Variants in ISY1 observed in about 807,000 individuals in gnomAD.
ISY1 encodes ISY1 spliceosome associated protein.
Under a neutral mutation model 54.4 loss-of-function variants are expected in ISY1, and 12 were observed. The ratio of observed to expected loss-of-function variants is 0.22; its 90% confidence interval spans 0.14 to 0.36. The LOEUF (loss-of-function observed/expected upper bound fraction) is 0.36, where lower values mean the gene tolerates loss of function less well. Ranked by LOEUF, ISY1 falls within the 10% of genes least tolerant of loss-of-function variation. The probability of loss-of-function intolerance (pLI) is 1.00; values close to 1 mark genes in which losing one functional copy is unlikely to be tolerated. For missense variants in ISY1, 282 were observed against 342.2 expected, an observed-to-expected ratio of 0.82 and a Z score of 1.39; for synonymous variants, 96 against 117.9, an observed-to-expected ratio of 0.81 and a Z score of 1.20.
At chr3:129,155,341 C>T (rs1937103922) in intron 5 of ISY1, among the ~76,000 whole-genome samples, 1 of 151,274 alleles carries the variant, frequency 6.6e-6, no homozygotes, top group African/African-American at 2.4e-5. Context: ...ATTACAGGCA[C>T]ATGACACCAC....
chr3:129,130,118 G>A lies in ISY1; in HGVS notation c.821C>T (p.Ala274Val), dbSNP rs751756568. ...GAGCCTTCTGGCTTCTTCACTTTGG[G>A]CCTGCAGGGTCTCGCTTGCATACTT... ...LQKYASETLQAQSEEARRLLG... is the reference protein window; with the variant it reads ...LQKYASETLQVQSEEARRLLG... The change falls in exon 11 of 11, where the codon GCC (alanine) becomes GTC (valine). Residue 274 changes from alanine to valine, a missense_variant. Physicochemically the swap from Ala to Val is moderately conservative, Grantham distance 64 (BLOSUM62 0). Around this residue, in one of 2 missense-constraint regions of ISY1, gnomAD observed 279 missense variants for 323.6 expected, o/e 0.86. Coordinates refer to ENST00000393295, the MANE Select transcript of ISY1 (RefSeq NM_020701.4). 2.5e-6 allele frequency: 4 copies of A among 1,611,636 alleles called. No homozygotes were observed. The East Asian group carries it at 8.9e-5, about 36-fold the overall frequency.
In ISY1 at chr3:129,130,164, T is replaced by C. The variant is rs774305574; in HGVS notation, c.775A>G (p.Lys259Glu). 1 of 1,611,694 alleles carries C rather than the reference T, an allele frequency of 6.2e-7. No individual in the cohort carries two copies. Among genetic ancestry groups the C allele is most frequent in the Admixed American group, 1.7e-5 (1 of 59,282 alleles). ...QEIEEALVRR[K>E]KMELLQKYAS... ...TACTTCTGGAGGAGTTCCATTTTCT[T>C]CCTTCGCACCAGTGCCTCCTCAATC... The change falls in exon 11 of 11, where the codon AAG becomes GAG. Residue 259 changes from lysine to glutamate, a missense_variant. This residue lies in a region of ISY1 where 279 missense variants were observed against 323.6 expected (regional missense o/e 0.86). Coordinates refer to ENST00000393295, the MANE Select transcript of ISY1 (RefSeq NM_020701.4).
At chr3:129,152,019 C>T (rs1187789138) in intron 5 of ISY1, among the ~76,000 whole-genome samples, 2 of 151,918 alleles carry the variant, frequency 1.3e-5, no homozygotes, top group South Asian at 2.1e-4. Flanking sequence ...ATTAGCTAGG[C>T]GTGGTGGCTG....
At chr3:129,130,741 C>A in intron 9 of ISY1, 105 bp from the exon 10 acceptor site, 2 of 1,218,574 alleles carry the variant, frequency 1.6e-6, no homozygotes, top group Non-Finnish European at 2.3e-6. Flanking sequence ...GAAAAAAAAA[C>A]TAAGAAAGTT....
At chr3:129,149,636 T>TATATACAC (rs759382962) in intron 5 of ISY1, among the ~76,000 whole-genome samples, 4 of 54,704 alleles carry the variant, frequency 7.3e-5, no homozygotes, top group East Asian at 6.6e-4. Flanking sequence ...TATATATATA[T>TATATACAC]ACACAAAAAA....
At chr3:129,157,741 G>A (rs1000241991) in intron 3 of ISY1, among the ~76,000 whole-genome samples, 3 of 149,264 alleles carry the variant, frequency 2.0e-5, no homozygotes, top group Non-Finnish European at 4.4e-5. Flanking sequence ...AAAAAAAAGG[G>A]CCGGGCCCAG....
intron 6 of ISY1, chr3:129,143,951 G>C (rs1560018084): frequency 5.9e-6 from 1 of 168,154 alleles, no homozygotes; most frequent in Non-Finnish European, 1.3e-5. Flanking sequence ...TTTATATGTA[G>C]AAAATAAAAA....
chr3:129,158,634 A>G (rs758367354), intron 2 of ISY1, 75 bp from the exon 3 acceptor site: 1 of 1,595,250 alleles, frequency 6.3e-7, no homozygotes, highest in Non-Finnish European at 8.6e-7. Context: ...ATGTTCCTGT[A>G]TGGGGTAGAT....
intron 5 of ISY1, among the ~76,000 whole-genome samples, chr3:129,155,759 T>C (rs1366530888): frequency 6.6e-6 from 1 of 151,984 alleles, no homozygotes; most frequent in Non-Finnish European, 1.5e-5. Context: ...TTCACTCTTG[T>C]TGCTGAAGCT....
intron 6 of ISY1, among the ~76,000 whole-genome samples, chr3:129,142,613 T>C (rs537131524): frequency 1.3e-5 from 2 of 152,232 alleles, no homozygotes; most frequent in African/African-American, 4.8e-5. Context: ...AACATTTTTT[T>C]AAATCATACA....
intron 6 of ISY1, among the ~76,000 whole-genome samples, chr3:129,145,237 T>C (rs1468753967): frequency 6.6e-6 from 1 of 151,622 alleles, no homozygotes; most frequent in Non-Finnish European, 1.5e-5. Flanking sequence ...TTTTTTTTTT[T>C]TTTTGAAGAC....
chr3:129,157,190 T>C (rs1379794070), intron 3 of ISY1, among the ~76,000 whole-genome samples: 1 of 152,202 alleles, frequency 6.6e-6, no homozygotes, highest in Non-Finnish European at 1.5e-5. Flanking sequence ...TCATGGCATA[T>C]TTATAGTACC....
At chr3:129,137,586 G>A (rs975488743) in intron 7 of ISY1, among the ~76,000 whole-genome samples, 3 of 151,914 alleles carry the variant, frequency 2.0e-5, no homozygotes, top group East Asian at 1.9e-4. Context: ...TAATCCTAGC[G>A]CTTTGGGAGG....
chr3:129,158,486 C>G, intron 3 of ISY1, 22 bp downstream of exon 3: 1 of 1,613,186 alleles, frequency 6.2e-7, no homozygotes, highest in Non-Finnish European at 8.5e-7. Context: ...CTTTACAATT[C>G]ATGAGGAAGA....
intron 6 of ISY1, chr3:129,144,085 G>A (rs1404463648): frequency 7.9e-6 from 3 of 379,348 alleles, no homozygotes; most frequent in Non-Finnish European, 1.6e-5. Context: ...CACTTTTCTA[G>A]GTGGATTAAT....
At chr3:129,135,032 TAC>T in intron 7 of ISY1, 78 bp from the exon 8 acceptor site, 1 of 1,498,236 alleles carries the variant, frequency 6.7e-7, no homozygotes, top group Non-Finnish European at 8.9e-7. Context: ...TGCAACGCTA[TAC>T]ACACACGTGG....
At chr3:129,140,121 C>T (rs560925826) in intron 7 of ISY1, among the ~76,000 whole-genome samples, 6 of 152,338 alleles carry the variant, frequency 3.9e-5, no homozygotes, top group South Asian at 4.1e-4. Flanking sequence ...GACAGATTAG[C>T]ACCTGCCAAA....
At chr3:129,140,313 T>G in intron 7 of ISY1, 55 bp downstream of exon 7, 2 of 1,490,764 alleles carry the variant, frequency 1.3e-6, no homozygotes, top group South Asian at 1.2e-5. Context: ...ATATAGCATA[T>G]CTACTCTTAT....
intron 2 of ISY1, among the ~76,000 whole-genome samples, chr3:129,158,790 C>G (rs1329221919): frequency 2.0e-5 from 3 of 152,152 alleles, no homozygotes; most frequent in Non-Finnish European, 4.4e-5. Context: ...TTTACTTACA[C>G]TACACATAAG....
Sources: gnomAD v4.1 joint callset for allele counts (sites outside exome capture counted in the v4.1 genomes callset) on GRCh38, gnomAD v4.1.1 for gene constraint, gnomAD v4.1.1 regional missense constraint, MANE v1.5 for transcripts, NCBI Gene and HGNC (gene_info 2026-07-23, HGNC 2026-07-21) for gene names.